Variants in SI observed in about 807,000 individuals in gnomAD.
SI encodes sucrase-isomaltase, intestinal.
In SI, 235 loss-of-function variants were observed where a neutral mutation model predicts 253.3. The ratio of observed to expected loss-of-function variants is 0.93; its 90% confidence interval spans 0.83 to 1.03. The LOEUF (loss-of-function observed/expected upper bound fraction) is 1.03. Among genes scored for constraint, SI ranks in the 50% least tolerant of loss-of-function variants. The pLI is 0.00. For missense variants in SI, 2,442 were observed against 2,211.1 expected (o/e 1.10, Z -2.09); for synonymous variants, 819 against 712.0 (o/e 1.15, Z -2.39).
intron 13 of SI, among the ~76,000 whole-genome samples, chr3:165,051,564 C>A (rs1713432198): frequency 1.3e-5 from 2 of 151,932 alleles, no homozygotes; most frequent in East Asian, 3.9e-4. Flanking sequence ...CATGATTCCG[C>A]CAATAACATT....
At chr3:165,029,581 CATATATATGTATATATATACAT>C (rs1416733668) in intron 25 of SI, among the ~76,000 whole-genome samples, 1 of 131,144 alleles carries the variant, frequency 7.6e-6, no homozygotes, top group Admixed American at 8.6e-5. Context: ...TATATATATA[CATATATATGTATATATATACAT>C]ATATATGTAT....
Position 164,979,531 on chromosome 3 carries a change from C to T in SI, c.5416-101G>A, listed in dbSNP as rs1474304432. 4.7e-6 allele frequency: 3 copies of T among 638,036 alleles called. No homozygotes were observed. The African/African-American group carries it at 5.6e-5, about 12-fold the overall frequency. 39.5% of individuals were successfully genotyped at this position (638,036 alleles called of 1,614,324 possible). On this transcript the variant is annotated intron_variant, in intron 47 of 47. Transcript: ENST00000264382. ...AAGTTTTCTAATAAATAGTATATAC[C>T]TTTATTTTCTTTTATATCTTGAGAA...
intron 21 of SI, among the ~76,000 whole-genome samples, chr3:165,037,258 G>A (rs950939742): frequency 8.6e-5 from 13 of 151,936 alleles, no homozygotes; most frequent in African/African-American, 2.7e-4. Context: ...AGAAAATACA[G>A]TAGGGTAAGG....
chr3:165,061,255 A>G (rs9290260), intron 9 of SI, among the ~76,000 whole-genome samples: 88,292 of 151,654 alleles, frequency 0.58, 26,097 homozygotes, highest in East Asian at 0.81. Flanking sequence ...TTTACTTAAC[A>G]TGTGGGAGAT....
At chr3:165,041,209 A>C (rs1712811767) in intron 17 of SI, 115 bp from the exon 18 acceptor site, 1 of 864,390 alleles carries the variant, frequency 1.2e-6, no homozygotes, top group African/African-American at 1.7e-5. Context: ...CTTGTTTATG[A>C]GAAATTAAAA....
chr3:164,998,750 T>TAA, intron 37 of SI, 77 bp from the exon 38 acceptor site: 1 of 1,194,558 alleles, frequency 8.4e-7, no homozygotes. Flanking sequence ...GACTACTTTG[T>TAA]AAAAAAAAAT....
chr3:164,996,656 A>G lies in SI; in HGVS notation c.4576-5T>C, dbSNP rs115606442. On this transcript the variant is annotated splice_region_variant and splice_polypyrimidine_tract_variant and intron_variant, in intron 39 of 47. Transcript: ENST00000264382. The stretch of plus-strand genomic sequence containing the variant: ...ACCACAGATGTCTGCTCCAGTCTAA[A>G]ATATATTGTTATATTTAGTTAAATT... 120 of 1,506,618 alleles carry G rather than the reference A, an allele frequency of 8.0e-5. No individual in the cohort carries two copies. In the African/African-American group the frequency reaches 1.5e-3, roughly 19 times the overall value. The allele number at this position is 1,506,618 out of a possible 1,614,324, so 93.3% of individuals were successfully genotyped here. A position where few individuals can be genotyped will look rare whatever the true frequency, so the allele number is the denominator to read the frequency against.
Position 165,061,827 on chromosome 3 carries a change from A to C in SI, c.1020+544T>G, listed in dbSNP as rs544852246. On this transcript the variant is annotated intron_variant, in intron 9 of 47. Transcript: ENST00000264382. The stretch of plus-strand genomic sequence containing the variant: ...AGATGTTACTTAATATGTAAATAAG[A>C]GTTGCTTAGATAGTAACTGGAGATG... Among the ~76,000 whole-genome samples, 30 of 152,088 alleles carry C rather than the reference A, an allele frequency of 2.0e-4. No individual in the cohort carries two copies. In the South Asian group the frequency reaches 2.1e-3, roughly 11 times the overall value.
chr3:165,046,817 T>G, intron 16 of SI, 24 bp downstream of exon 16: 1 of 1,577,820 alleles, frequency 6.3e-7, no homozygotes, highest in Non-Finnish European at 8.7e-7. Context: ...CTTTTATGAG[T>G]AACACTCTAT....
intron 43 of SI, 82 bp from the exon 44 acceptor site, chr3:164,991,559 TA>T (rs1370223568): frequency 1.4e-6 from 2 of 1,427,010 alleles, no homozygotes; most frequent in Admixed American, 3.4e-5. Flanking sequence ...ATATACATTT[TA>T]AAAAATCAAA....
At chr3:165,020,863 C>G (rs1711560454) in intron 27 of SI, among the ~76,000 whole-genome samples, 1 of 151,660 alleles carries the variant, frequency 6.6e-6, no homozygotes, top group African/African-American at 2.4e-5. Context: ...CACCAATAAA[C>G]TATTTCAACA....
chr3:165,011,958 T>C (rs1401412642), intron 34 of SI, among the ~76,000 whole-genome samples: 1 of 152,044 alleles, frequency 6.6e-6, no homozygotes, highest in Non-Finnish European at 1.5e-5. Context: ...GGCCCTTTTG[T>C]CATTATATAA....
At chr3:165,043,218 C>T (rs1367967097) in intron 16 of SI, 43 bp from the exon 17 acceptor site, 1 of 1,375,764 alleles carries the variant, frequency 7.3e-7, no homozygotes, top group Non-Finnish European at 1.0e-6. Flanking sequence ...TTAAGATTCT[C>T]AAATTTGCCT....
At chr3:165,071,371 C>T (rs1714564656) in intron 3 of SI, among the ~76,000 whole-genome samples, 1 of 151,576 alleles carries the variant, frequency 6.6e-6, no homozygotes, top group Non-Finnish European at 1.5e-5. Context: ...TTTAATTTCT[C>T]ATCTAATTAT....
rs1559992443 is a variant in SI at position 165,019,896 on chromosome 3, C to A, written c.3255-126G>T. On this transcript the variant is annotated intron_variant, in intron 27 of 47. Transcript: ENST00000264382. ...ATTATTTTCCATATTCCTAATTATA[C>A]CCAGGTACCAAATGGAAATAGATGA... is the stretch of plus-strand genomic sequence containing the variant. The A allele has an allele frequency of 1.2e-5, 10 of 850,444 alleles. No homozygotes were observed. The East Asian group carries it at 2.7e-4, about 23-fold the overall frequency. 52.7% of individuals were successfully genotyped at this position (850,444 alleles called of 1,614,324 possible). A position where few individuals can be genotyped will look rare whatever the true frequency, so the allele number is the denominator to read the frequency against.
upstream of SI, among the ~76,000 whole-genome samples, chr3:165,079,728 T>A (rs78617159): frequency 0.027 from 4,110 of 151,768 alleles, 107 homozygotes; most frequent in Non-Finnish European, 0.039. Context: ...AAGGTCAACA[T>A]ACAAAGGTCA....
chr3:165,011,869 G>A (rs1718787171), intron 34 of SI, among the ~76,000 whole-genome samples: 1 of 151,254 alleles, frequency 6.6e-6, no homozygotes, highest in South Asian at 2.1e-4. Flanking sequence ...TTTCAGTTCT[G>A]TTAATGTTTA....
chr3:165,060,367 C>A lies in SI; in HGVS notation c.1021-340G>T, dbSNP rs528858499. On this transcript the variant is annotated intron_variant, in intron 9 of 47. Transcript: ENST00000264382. ...TACAAGAAAAGCAACAAATAAATAA[C>A]AAAAGGGAAAATTTTCCACCACACT... 2.8e-4 allele frequency among the ~76,000 whole-genome samples: 42 copies of A among 151,994 alleles called. No homozygotes were observed. The South Asian group carries it at 8.1e-3, about 29-fold the overall frequency.
In SI at chr3:165,049,828, A is replaced by G. The variant is rs2108233226; in HGVS notation, c.1560T>C (p.Cys520=). Residue 520 remains cysteine, a synonymous_variant, in exon 14 of 48, where the codon TGT becomes TGC. Coordinates refer to ENST00000264382, the MANE Select transcript of SI (RefSeq NM_001041.4). The part of the protein sequence containing the change: ...SSFIQGSTKG[C]NVNKLNYPPF... ...GTGGATAATTCAATTTGTTTACATT[A>G]CATCCTTTTGTTGAACCTTGAATAA... The G allele has an allele frequency of 6.2e-7, 1 of 1,608,660 alleles. No individual in the cohort carries two copies. The highest frequency in any genetic ancestry group is 1.7e-4 in the Middle Eastern group (1 of 5,758).
Sources: gnomAD v4.1 joint callset for allele counts (sites outside exome capture counted in the v4.1 genomes callset) on GRCh38, gnomAD v4.1.1 for gene constraint, MANE v1.5 for transcripts, NCBI Gene and HGNC (gene_info 2026-07-23, HGNC 2026-07-21) for gene names.